Variants in OSBPL10 observed in about 807,000 individuals in gnomAD.
OSBPL10 encodes oxysterol binding protein like 10.
In OSBPL10, 49 loss-of-function variants were observed where a neutral mutation model predicts 81.7. The observed-to-expected ratio is 0.60, with a 90% CI of 0.48 to 0.76. The LOEUF (loss-of-function observed/expected upper bound fraction) is 0.76, where lower values mean the gene tolerates loss of function less well. Among genes scored for constraint, OSBPL10 ranks in the 30% least tolerant of loss-of-function variants. The pLI is 0.00. For synonymous variants in OSBPL10, 419 were observed against 383.6 expected, an observed-to-expected ratio of 1.09 and a Z score of -1.08; for missense variants, 923 against 987.8, an observed-to-expected ratio of 0.93 and a Z score of 0.88.
chr3:31,958,120 C>T (rs1698062019), intron 1 of OSBPL10, among the ~76,000 whole-genome samples: 1 of 152,154 alleles, frequency 6.6e-6, no homozygotes, highest in Admixed American at 6.5e-5. Context: ...ACTCTCGGGC[C>T]ACCAGAATAC....
intron 4 of OSBPL10, among the ~76,000 whole-genome samples, chr3:31,799,012 G>T (rs944850507): frequency 6.6e-6 from 1 of 152,094 alleles, no homozygotes; most frequent in African/African-American, 2.4e-5. Flanking sequence ...CTGATTCACC[G>T]CTCACCTCCT....
At chr3:32,026,119 G>C (rs1460492290) in intron 2 of OSBPL10, among the ~76,000 whole-genome samples, 1 of 150,146 alleles carries the variant, frequency 6.7e-6, no homozygotes, top group Non-Finnish European at 1.5e-5. Flanking sequence ...TAGAGATAGA[G>C]ACAGAGATAG....
At chr3:31,812,721 AGAAAGAAAGAAAGAAAGAAAGAAAGAAAG>A (rs1559476045) in intron 4 of OSBPL10, among the ~76,000 whole-genome samples, 2 of 37,122 alleles carry the variant, frequency 5.4e-5, no homozygotes, top group African/African-American at 1.4e-4. Context: ...GCAAAAAAAA[AGAAAGAAAGAAAGAAAGAAAGAAAGAAAG>A]AAAGAAAGAA....
intron 1 of OSBPL10, among the ~76,000 whole-genome samples, chr3:31,929,796 A>C (rs1697183238): frequency 1.3e-5 from 2 of 151,862 alleles, no homozygotes; most frequent in African/African-American, 4.8e-5. Context: ...TAAGTAAGAA[A>C]AGAAAGCCCA....
Position 31,865,363 on chromosome 3 carries a change from T to G in OSBPL10, c.537+11070A>C, listed in dbSNP as rs1224197171. Among the ~76,000 whole-genome samples the G allele has an allele frequency of 2.6e-5, 4 of 152,186 alleles. No individual in the cohort carries two copies. In the South Asian group the frequency reaches 8.3e-4, roughly 32 times the overall value. ...TTTTTAAATCTTATTTCAATGAAAT[T>G]TAAGTAGTCTCATGTGGCTAGAGGT... On this transcript the variant is annotated intron_variant, in intron 3 of 11. Transcript: ENST00000396556.
intron 4 of OSBPL10, among the ~76,000 whole-genome samples, chr3:31,788,227 A>T (rs372563637): frequency 1.3e-5 from 2 of 152,236 alleles, no homozygotes. Flanking sequence ...AGAACTATCA[A>T]CATGAACAGG....
rs970841489 is a variant in OSBPL10 at position 31,745,544 on chromosome 3, G to A, written c.940+2366C>T. Reference sequence around the variant, plus strand: ...GAGAATTATAATGCTCGCAAGACACGGTTCCTGGCCTCAGTTTGGGGGACT... The same window carrying A: ...GAGAATTATAATGCTCGCAAGACACAGTTCCTGGCCTCAGTTTGGGGGACT... On this transcript the variant is annotated intron_variant, in intron 5 of 11. Coordinates refer to ENST00000396556, the MANE Select transcript of OSBPL10 (RefSeq NM_017784.5). Among the ~76,000 whole-genome samples the A allele has an allele frequency of 1.2e-4, 18 of 152,218 alleles. 1 individual carries two copies. Among genetic ancestry groups the A allele is most frequent in the Admixed American group, 9.8e-4 (15 of 15,294 alleles).
intron 3 of OSBPL10, among the ~76,000 whole-genome samples, chr3:31,863,965 A>G (rs1283667669): frequency 5.9e-5 from 9 of 152,198 alleles, no homozygotes; most frequent in South Asian, 4.1e-4. Flanking sequence ...AAAGGAGAAG[A>G]AGAAGGAAGA....
In OSBPL10 at chr3:31,794,558, G is replaced by A. The variant is rs986940193; in HGVS notation, c.729+35482C>T. On this transcript the variant is annotated intron_variant, in intron 4 of 11. Transcript: ENST00000396556. ...GTGAACTTTTCCCAGAAGAAATGGA[G>A]TCTCCTTAGTGAGGTTCAGAGATGC... 2.0e-4 allele frequency: 72 copies of A among 352,098 alleles called. 1 individual carries two copies. Among genetic ancestry groups the A allele is most frequent in the African/African-American group, 1.5e-3 (68 of 45,650 alleles). The allele number at this position is 352,098 out of a possible 1,614,324, so 21.8% of individuals were successfully genotyped here.
intron 1 of OSBPL10, among the ~76,000 whole-genome samples, chr3:31,980,152 G>A (rs904983318): frequency 2.6e-5 from 4 of 151,810 alleles, no homozygotes; most frequent in Non-Finnish European, 5.9e-5. Flanking sequence ...TTACAGGCGC[G>A]CCGCCACGCC....
intron 1 of OSBPL10, among the ~76,000 whole-genome samples, chr3:31,964,415 C>A (rs557407353): frequency 3.3e-5 from 5 of 152,226 alleles, no homozygotes; most frequent in Non-Finnish European, 5.9e-5. Flanking sequence ...CCTCGGCCTC[C>A]CATAGTGATG....
chr3:31,743,025 A>AAAT (rs1697400715), intron 5 of OSBPL10, among the ~76,000 whole-genome samples: 1 of 142,362 alleles, frequency 7.0e-6, no homozygotes, highest in Admixed American at 7.9e-5. Flanking sequence ...CCGAAAAGCT[A>AAAT]AATTAGTTTT....
At chr3:31,694,768 T>G (rs114817530) in intron 7 of OSBPL10, among the ~76,000 whole-genome samples, 8,551 of 152,304 alleles carry the variant, frequency 0.056, 790 homozygotes, top group African/African-American at 0.19. Flanking sequence ...TGTTTTGTTT[T>G]TTTGAGACGG....
At chr3:31,958,685 T>TTC (rs1014326426) in intron 1 of OSBPL10, among the ~76,000 whole-genome samples, 1 of 152,184 alleles carries the variant, frequency 6.6e-6, no homozygotes, top group South Asian at 2.1e-4. Flanking sequence ...TACTGGATTC[T>TTC]TCTCTCTCTC....
At chr3:31,725,546 C>T (rs1420266310) in intron 6 of OSBPL10, among the ~76,000 whole-genome samples, 2 of 152,136 alleles carry the variant, frequency 1.3e-5, no homozygotes, top group African/African-American at 2.4e-5. Flanking sequence ...GAGACCCTCA[C>T]ACAAAATAAT....
intron 6 of OSBPL10, chr3:31,710,527 C>T (rs1439857683): frequency 6.6e-6 from 1 of 152,266 alleles, no homozygotes; most frequent in Non-Finnish European, 1.5e-5. Context: ...AGCATCACTT[C>T]CCTGGTCTGG....
intron 7 of OSBPL10, 27 bp downstream of exon 7, chr3:31,702,332 A>T (rs375836188): frequency 8.9e-5 from 143 of 1,610,828 alleles, no homozygotes; most frequent in Non-Finnish European, 1.2e-4. Flanking sequence ...ACAACTGACC[A>T]CAAATCCAGG....
intron 2 of OSBPL10, among the ~76,000 whole-genome samples, chr3:32,010,085 A>G (rs1699239147): frequency 6.6e-6 from 1 of 152,150 alleles, no homozygotes; most frequent in Admixed American, 6.6e-5. Flanking sequence ...GTATTCTCAT[A>G]AGAAGAGTCA....
chr3:31,923,149 T>C (rs973390707), intron 1 of OSBPL10, among the ~76,000 whole-genome samples: 8 of 152,092 alleles, frequency 5.3e-5, no homozygotes, highest in Non-Finnish European at 1.2e-4. Context: ...ACTCTCCTCT[T>C]ATTGAAGAGT....
Sources: gnomAD v4.1 joint callset for allele counts (sites outside exome capture counted in the v4.1 genomes callset) on GRCh38, gnomAD v4.1.1 for gene constraint, MANE v1.5 for transcripts, NCBI Gene and HGNC (gene_info 2026-07-23, HGNC 2026-07-21) for gene names.